PCM1: variants seen among roughly 807,000 people sequenced by gnomAD.
PCM1 encodes pericentriolar material 1.
PCM1 carries 157 observed loss-of-function variants against 241.9 expected under a neutral mutation model. The ratio of observed to expected loss-of-function variants is 0.65; its 90% CI spans 0.57 to 0.74. PCM1 has a LOEUF of 0.74. Among genes scored for constraint, PCM1 ranks in the 30% least tolerant of loss-of-function variants. PCM1 has a pLI of 0.00. For missense variants in PCM1, 3,478 were observed against 2,360.1 expected (o/e 1.47, Z -9.81); for synonymous variants, 1,085 against 784.9 (o/e 1.38, Z -6.39).
chr8:18,018,274 A>G lies in PCM1; in HGVS notation c.5841+3434A>G, dbSNP rs542906264. 1.2e-4 allele frequency among the ~76,000 whole-genome samples: 18 copies of G among 152,348 alleles called. No homozygotes were observed. The South Asian group carries it at 3.1e-3, about 26-fold the overall frequency. ...AACTGCTCTGTTTCCTACAAGCAGG[A>G]ATTGATCATATTGAAACTCACTCTT... On this transcript the variant is annotated intron_variant, in intron 36 of 38. Transcript: ENST00000325083.
chr8:17,985,451 T>G lies in PCM1; in HGVS notation c.4113T>G (p.Thr1371=). 6.4e-7 allele frequency: 1 copy of G among 1,551,208 alleles called. No homozygotes were observed. Among genetic ancestry groups the G allele is most frequent in the Non-Finnish European group, 8.7e-7 (1 of 1,146,180 alleles). The part of the protein sequence containing the change: ...CNRSTEISSE[T]GSDFSMFEAL... ...CTGGTCTTTTATGTATTCCAGAAACTGGGAGTGATTTTTCCATGTTTGAAG... is the reference window on the plus strand; with the variant it reads ...CTGGTCTTTTATGTATTCCAGAAACGGGGAGTGATTTTTCCATGTTTGAAG... Residue 1371 remains threonine (T), a synonymous_variant, in exon 25 of 39, where the codon ACT becomes ACG. Transcript: ENST00000325083.
Position 17,986,084 on chromosome 8 carries a change from T to C in PCM1, c.4407T>C (p.Asp1469=), listed in dbSNP as rs1347129235. The C allele has an allele frequency of 9.6e-6, 15 of 1,558,242 alleles. No individual in the cohort carries two copies. Among genetic ancestry groups the C allele is most frequent in the Non-Finnish European group, 1.3e-5 (15 of 1,154,472 alleles). ...CTAGTGAGAGCCTTGCTACTACTGATGATGTAAGCTGATAATGATTAGTGA... is the reference window on the plus strand; with the variant it reads ...CTAGTGAGAGCCTTGCTACTACTGACGATGTAAGCTGATAATGATTAGTGA... ...LTPSESLATT[D]DETFEKNFER... The change falls in exon 26 of 39, where the codon GAT becomes GAC. Residue 1469 remains aspartate (D), a synonymous_variant. Transcript: ENST00000325083.
At chr8:17,972,214 G>A (rs208040) in intron 22 of PCM1, 115 bp from the exon 23 acceptor site, 2 of 524,396 alleles carry the variant, frequency 3.8e-6, no homozygotes, top group East Asian at 6.2e-5. Context: ...CATTTTTATA[G>A]CCTGTTGACA....
intron 8 of PCM1, among the ~76,000 whole-genome samples, chr8:17,951,120 C>A (rs908543732): frequency 6.6e-6 from 1 of 152,152 alleles, no homozygotes; most frequent in East Asian, 1.9e-4. Context: ...TCTATACAGC[C>A]TTGGAATTCT....
chr8:17,979,580 ATTTAAC>A (rs970060067), intron 23 of PCM1, among the ~76,000 whole-genome samples: 1 of 152,132 alleles, frequency 6.6e-6, no homozygotes, highest in African/African-American at 2.4e-5. Flanking sequence ...TAAGGAACAA[ATTTAAC>A]AAGGAAAGTA....
intron 17 of PCM1, among the ~76,000 whole-genome samples, chr8:17,964,003 C>G (rs1192933113): frequency 6.6e-6 from 1 of 152,288 alleles, no homozygotes; most frequent in African/African-American, 2.4e-5. Context: ...TACTACACGT[C>G]TGTTCTTCTA....
intron 8 of PCM1, among the ~76,000 whole-genome samples, chr8:17,951,509 C>A (rs1381521215): frequency 6.6e-6 from 1 of 151,986 alleles, no homozygotes; most frequent in South Asian, 2.1e-4. Context: ...CAGAAACAGC[C>A]CAAATGTCCA....
intron 30 of PCM1, among the ~76,000 whole-genome samples, chr8:18,008,373 GAA>G (rs1040749680): frequency 5.3e-5 from 8 of 151,840 alleles, no homozygotes; most frequent in Non-Finnish European, 1.2e-4. Context: ...CTAGTTGCAG[GAA>G]AATAAGCTCA....
At chr8:17,928,611 TCC>T (rs1360714814) in intron 2 of PCM1, among the ~76,000 whole-genome samples, 9,912 of 135,070 alleles carry the variant, frequency 0.073, 660 homozygotes, top group East Asian at 0.22. Flanking sequence ...TTTTAGTATC[TCC>T]CTCTTTTTTT....
intron 6 of PCM1, among the ~76,000 whole-genome samples, chr8:17,941,093 C>T (rs979341206): frequency 3.9e-5 from 6 of 152,116 alleles, no homozygotes; most frequent in African/African-American, 1.4e-4. Flanking sequence ...ACATTATTTT[C>T]AACAGGAGAT....
chr8:18,028,488 C>CAACTA lies in PCM1; in HGVS notation c.*829_*833dup, dbSNP rs1235167233. The CAACTA allele has an allele frequency of 6.1e-5, 12 of 196,664 alleles. No individual in the cohort carries two copies. Among genetic ancestry groups the CAACTA allele is most frequent in the Middle Eastern group, 1.8e-3 (1 of 548 alleles). 12.2% of individuals were successfully genotyped at this position (196,664 alleles called of 1,614,324 possible). ...CTTTTTCAAGTGGGGATAAATAATA[C>CAACTA]AACTAAATTTCTGTAATAGTAAGAT... On this transcript the variant is annotated 3_prime_UTR_variant, in exon 39 of 39. Transcript: ENST00000325083.
chr8:17,927,038 C>T (rs2057256130), intron 2 of PCM1: 1 of 151,580 alleles, frequency 6.6e-6, no homozygotes, highest in Non-Finnish European at 1.5e-5. Context: ...AAAGTACAGG[C>T]ATATCTTGGA....
intron 2 of PCM1, among the ~76,000 whole-genome samples, chr8:17,931,560 A>G (rs1273475940): frequency 6.6e-6 from 1 of 152,200 alleles, no homozygotes; most frequent in Admixed American, 6.5e-5. Context: ...TATTCTTAAT[A>G]CATTTATCTT....
chr8:17,991,423 A>G (rs2084590557), intron 27 of PCM1, 119 bp from the exon 28 acceptor site: 1 of 730,910 alleles, frequency 1.4e-6, no homozygotes. Flanking sequence ...AGTGTGTAGA[A>G]CTTGTTAAAG....
chr8:17,974,243 G>A lies in PCM1; in HGVS notation c.3943+1556G>A, dbSNP rs576449708. 2.6e-3 allele frequency among the ~76,000 whole-genome samples: 395 copies of A among 152,344 alleles called. 4 individuals are homozygous for A. Among genetic ancestry groups the A allele is most frequent in the Non-Finnish European group, 4.5e-3 (304 of 68,036 alleles). On this transcript the variant is annotated intron_variant, in intron 23 of 38. Transcript: ENST00000325083. Reference sequence around the variant, plus strand: ...TCCAAGATTACTGTTGGTGCTACCAGAGAAGATTTAAGTAGATAATGGCCA... The same window carrying A: ...TCCAAGATTACTGTTGGTGCTACCAAAGAAGATTTAAGTAGATAATGGCCA...
intron 6 of PCM1, among the ~76,000 whole-genome samples, chr8:17,943,961 C>T (rs1035912967): frequency 6.6e-6 from 1 of 152,130 alleles, no homozygotes; most frequent in African/African-American, 2.4e-5. Flanking sequence ...ACCAAGGGCA[C>T]ATTCCACTTT....
intron 6 of PCM1, among the ~76,000 whole-genome samples, chr8:17,946,733 A>T (rs549916599): frequency 6.2e-4 from 94 of 152,050 alleles, no homozygotes; most frequent in Admixed American, 1.6e-3. Context: ...TGACCTTGTG[A>T]TCTGCCCACC....
At chr8:17,972,865 G>A (rs919426996) in intron 23 of PCM1, among the ~76,000 whole-genome samples, 178 bp downstream of exon 23, 9 of 152,050 alleles carry the variant, frequency 5.9e-5, no homozygotes, top group South Asian at 4.1e-4. Flanking sequence ...AATAATATTC[G>A]AAATAGGGTT....
intron 30 of PCM1, among the ~76,000 whole-genome samples, chr8:18,006,811 G>A (rs971880789): frequency 6.6e-6 from 1 of 152,144 alleles, no homozygotes; most frequent in African/African-American, 2.4e-5. Flanking sequence ...GTACCAGTAC[G>A]CTTAAATTAT....
Sources: allele counts gnomAD v4.1 joint callset (sites outside exome capture counted in the v4.1 genomes callset), GRCh38; gene constraint gnomAD v4.1.1; transcripts MANE v1.5; gene names NCBI Gene and HGNC (gene_info 2026-07-23, HGNC 2026-07-21).